Variants in MPP4 observed in about 807,000 individuals in gnomAD.
MPP4 encodes the protein MAGUK p55 scaffold protein 4.
In MPP4, 91 loss-of-function variants were observed where a neutral mutation model predicts 98.3. That is an observed-to-expected ratio of 0.93 (90% CI 0.78 to 1.10). The LOEUF (loss-of-function observed/expected upper bound fraction) is 1.10, where lower values mean the gene tolerates loss of function less well. Among genes scored for constraint, MPP4 ranks in the 50% least tolerant of loss-of-function variants. The pLI is 0.00. For missense variants in MPP4, 744 were observed against 792.9 expected (o/e 0.94, Z 0.74); for synonymous variants, 261 against 271.8 (o/e 0.96, Z 0.39).
In MPP4 at chr2:201,680,982, G is replaced by A. The variant is rs558191957; in HGVS notation, c.785C>T (p.Pro262Leu). ...GAAAGGCAATCCAGCGTCCATGCAG[G>A]GGATGTCGGGATCCTCCTGGGGCCA... ...EYWPQEDPDI[P>L]CMDAGLPFQK... The change falls in exon 10 of 22, where the codon CCC (proline) becomes CTC (leucine). Residue 262 changes from proline to leucine, a missense_variant. Physicochemically the swap from Pro to Leu is moderately conservative, Grantham distance 98. Transcript: ENST00000409474. 1.2e-6 allele frequency: 2 copies of A among 1,613,886 alleles called. No homozygotes were observed. The highest frequency in any genetic ancestry group is 1.7e-6 in the Non-Finnish European group (2 of 1,179,864).
chr2:201,676,013 G>C (rs1688498379), intron 10 of MPP4, among the ~76,000 whole-genome samples: 1 of 152,142 alleles, frequency 6.6e-6, no homozygotes, highest in Non-Finnish European at 1.5e-5. Flanking sequence ...TTCCAAATTA[G>C]AATCTCCATT....
At position 201,687,819 on chromosome 2, in the gene MPP4, T is replaced by C. The variant is rs528945612; in HGVS notation, c.280-448A>G. 2.6e-5 allele frequency among the ~76,000 whole-genome samples: 4 copies of C among 152,316 alleles called. No individual in the cohort carries two copies. In the South Asian group the frequency reaches 6.2e-4, roughly 24 times the overall value. On this transcript the variant is annotated intron_variant, in intron 4 of 21. Coordinates refer to ENST00000409474, the MANE Select transcript of MPP4 (RefSeq NM_033066.3). ...CCCATGGGATGCTCCATTCTTCAAA[T>C]AGAAAATGGAAATCATAATTTCTCT...
Position 201,645,631 on chromosome 2 carries a change from T to C in MPP4, c.1720-227A>G, listed in dbSNP as rs148409792. On this transcript the variant is annotated intron_variant, in intron 21 of 21. Coordinates refer to ENST00000409474, the MANE Select transcript of MPP4 (RefSeq NM_033066.3). ...ATTTTTTTGCCCTCTGTTATTGAAA[T>C]AATGTGGCTAAGTATAGATAAAATA... Among the ~76,000 whole-genome samples, 1,190 of 152,178 alleles carry C rather than the reference T, an allele frequency of 7.8e-3. 7 individuals are homozygous for C. The highest frequency in any genetic ancestry group is 0.012 in the Non-Finnish European group (830 of 68,002).
rs1688173789 is a variant in MPP4, at chr2:201,666,376, TAA to T, written c.1013-6_1013-5del. On this transcript the variant is annotated splice_region_variant and splice_polypyrimidine_tract_variant and intron_variant, in intron 12 of 21. Coordinates refer to ENST00000409474, the MANE Select transcript of MPP4 (RefSeq NM_033066.3). ...TCATCAATCTTCATGTCATCTTCTATAAAAGAGTATAGAAAGGGAGAAACAGA... is the reference window on the plus strand; with the variant it reads ...TCATCAATCTTCATGTCATCTTCTATAAGAGTATAGAAAGGGAGAAACAGA... The T allele has an allele frequency of 6.5e-7, 1 of 1,543,816 alleles. No homozygotes were observed.
At chr2:201,653,197 G>T (rs1336175039) in intron 18 of MPP4, among the ~76,000 whole-genome samples, 5 of 152,166 alleles carry the variant, frequency 3.3e-5, no homozygotes, top group Non-Finnish European at 1.5e-5. Context: ...ACCCTACAAG[G>T]ACAGCTACTT....
chr2:201,677,786 A>G (rs1217665687), intron 10 of MPP4, among the ~76,000 whole-genome samples: 1 of 152,188 alleles, frequency 6.6e-6, no homozygotes, highest in Non-Finnish European at 1.5e-5. Context: ...ATTTTTACTC[A>G]TAGCAAAGTT....
intron 14 of MPP4, 105 bp from the exon 15 acceptor site, chr2:201,660,451 G>A (rs539668004): frequency 2.9e-5 from 35 of 1,201,650 alleles, no homozygotes; most frequent in Admixed American, 2.4e-4. Context: ...AGACGTGCAC[G>A]TCACCACTAG....
intron 4 of MPP4, among the ~76,000 whole-genome samples, chr2:201,689,951 C>T (rs188494313): frequency 6.6e-6 from 1 of 151,930 alleles, no homozygotes; most frequent in African/African-American, 2.4e-5. Flanking sequence ...AAATGGAGTA[C>T]GAGACTTAGG....
At chr2:201,652,762 G>T (rs1391860718) in intron 18 of MPP4, among the ~76,000 whole-genome samples, 3 of 152,124 alleles carry the variant, frequency 2.0e-5, no homozygotes, top group Non-Finnish European at 2.9e-5. Flanking sequence ...TATTTCTACT[G>T]CTCCTGCTTC....
chr2:201,681,486 A>G lies in MPP4; in HGVS notation c.732+10T>C. 1 of 1,609,188 alleles carries G rather than the reference A, an allele frequency of 6.2e-7. No individual in the cohort carries two copies. Among genetic ancestry groups the G allele is most frequent in the Non-Finnish European group, 8.5e-7 (1 of 1,175,596 alleles). Reference sequence around the variant, plus strand: ...CTGTGTGTGAGATTGAAGGCTCAGTAAATTCTTACCATCTGCTGGCTATTC... The same window carrying G: ...CTGTGTGTGAGATTGAAGGCTCAGTGAATTCTTACCATCTGCTGGCTATTC... On this transcript the variant is annotated intron_variant, in intron 9 of 21. Transcript: ENST00000409474.
intron 12 of MPP4, among the ~76,000 whole-genome samples, chr2:201,669,098 G>A (rs1251036794): frequency 1.4e-5 from 1 of 69,336 alleles, no homozygotes; most frequent in East Asian, 4.2e-4. Context: ...TTGTGTGTGT[G>A]TGTGTGTGTG....
intron 3 of MPP4, among the ~76,000 whole-genome samples, chr2:201,690,822 A>G (rs1447242833): frequency 6.6e-6 from 1 of 152,146 alleles, no homozygotes; most frequent in Non-Finnish European, 1.5e-5. Context: ...ATTCTCTAGT[A>G]CAAGTTCATT....
intron 5 of MPP4, among the ~76,000 whole-genome samples, chr2:201,686,906 T>C (rs1456631652): frequency 6.6e-6 from 1 of 152,266 alleles, no homozygotes; most frequent in Non-Finnish European, 1.5e-5. Context: ...CATTATACTG[T>C]ATATTCCAAA....
intron 18 of MPP4, among the ~76,000 whole-genome samples, chr2:201,654,299 C>T (rs1021902642): frequency 6.6e-6 from 1 of 152,056 alleles, no homozygotes. Context: ...TTTTAAAAAG[C>T]TGTGTATTTT....
chr2:201,647,338 T>A (rs1401378440), intron 21 of MPP4, among the ~76,000 whole-genome samples: 1 of 152,134 alleles, frequency 6.6e-6, no homozygotes, highest in Non-Finnish European at 1.5e-5. Context: ...CTCAAGGATT[T>A]TTTTTTAAGC....
intron 7 of MPP4, among the ~76,000 whole-genome samples, chr2:201,683,312 G>A (rs2105940622): frequency 6.6e-6 from 1 of 152,310 alleles, no homozygotes; most frequent in East Asian, 1.9e-4. Context: ...TTTAAGTGAA[G>A]ACTTGAGAAA....
chr2:201,663,693 G>A (rs1250074686), intron 14 of MPP4, among the ~76,000 whole-genome samples: 1 of 152,088 alleles, frequency 6.6e-6, no homozygotes, highest in Non-Finnish European at 1.5e-5. Context: ...CCTCACCTTG[G>A]GCAACAGACT....
In MPP4 at chr2:201,690,023, T is replaced by C. The variant is rs556674199; in HGVS notation, c.279+179A>G. Reference sequence around the variant, plus strand: ...TGGGTGGTGGTGGGGAGTGTTTTAATTTGGGGAGATACCCAGCCAATGTTC... The same window carrying C: ...TGGGTGGTGGTGGGGAGTGTTTTAACTTGGGGAGATACCCAGCCAATGTTC... On this transcript the variant is annotated intron_variant, in intron 4 of 21. Transcript: ENST00000409474. Among the ~76,000 whole-genome samples, 4 of 152,316 alleles carry C rather than the reference T, an allele frequency of 2.6e-5. No homozygotes were observed. In the South Asian group the frequency reaches 8.3e-4, roughly 32 times the overall value.
At chr2:201,664,300 A>G (rs941273319) in intron 13 of MPP4, 199 bp from the exon 14 acceptor site, 1 of 1,461,568 alleles carries the variant, frequency 6.8e-7, no homozygotes, top group Non-Finnish European at 9.2e-7. Flanking sequence ...GGTATTCGGC[A>G]GTTGAGCCAT....
Sources: gnomAD v4.1 joint callset for allele counts (sites outside exome capture counted in the v4.1 genomes callset) on GRCh38, gnomAD v4.1.1 for gene constraint, MANE v1.5 for transcripts, NCBI Gene and HGNC (gene_info 2026-07-23, HGNC 2026-07-21) for gene names.